RBFOX1: variants seen among roughly 807,000 people sequenced by gnomAD.
The protein encoded by RBFOX1 is RNA binding protein fox-1 homolog 1.
Under a neutral mutation model 57.7 loss-of-function variants are expected in RBFOX1, and 8 were observed. The ratio of observed to expected loss-of-function variants is 0.14; its 90% confidence interval spans 0.08 to 0.25. The LOEUF is 0.25. Ranked by LOEUF, RBFOX1 falls within the 10% of genes least tolerant of loss-of-function variation. The pLI, the probability that RBFOX1 is intolerant of heterozygous loss-of-function variation, is 1.00. For missense variants in RBFOX1, 611 were observed against 548.5 expected (o/e 1.11, Z -1.14); for synonymous variants, 326 against 222.4 (o/e 1.47, Z -4.15).
At chr16:6,232,236 C>T (rs1054639009) in intron 1 of RBFOX1, among the ~76,000 whole-genome samples, 1 of 152,144 alleles carries the variant, frequency 6.6e-6, no homozygotes, top group Non-Finnish European at 1.5e-5. Context: ...GGTGTGAGTA[C>T]CGGCTGGACG....
intron 1 of RBFOX1, among the ~76,000 whole-genome samples, chr16:6,208,333 A>G (rs1567680097): frequency 6.6e-6 from 1 of 152,212 alleles, no homozygotes; most frequent in African/African-American, 2.4e-5. Flanking sequence ...GCAAACACCT[A>G]TTGCATTGAG....
chr16:7,112,322 A>ATACAGC (rs2064953659), intron 4 of RBFOX1, among the ~76,000 whole-genome samples: 1 of 150,526 alleles, frequency 6.6e-6, no homozygotes, highest in Non-Finnish European at 1.5e-5. Context: ...CCAGCCTCAG[A>ATACAGC]CTCCAAAGTA....
At chr16:6,847,495 G>A (rs1489436583) in intron 3 of RBFOX1, among the ~76,000 whole-genome samples, 1 of 152,038 alleles carries the variant, frequency 6.6e-6, no homozygotes, top group Non-Finnish European at 1.5e-5. Flanking sequence ...TTACCACTGT[G>A]GCCCACGTTT....
chr16:5,739,075 A>T (rs973611886), intron 3 of RBFOX1, among the ~76,000 whole-genome samples: 1 of 152,238 alleles, frequency 6.6e-6, no homozygotes, highest in African/African-American at 2.4e-5. Context: ...TTGAAATCTA[A>T]CAGTTCTGTT....
intron 4 of RBFOX1, among the ~76,000 whole-genome samples, chr16:5,991,171 G>A (rs1012926692): frequency 5.3e-5 from 8 of 152,140 alleles, no homozygotes; most frequent in East Asian, 1.9e-4. Context: ...CATACAATGC[G>A]TTGTATTCAG....
chr16:6,953,380 T>G (rs1036732765), intron 3 of RBFOX1, among the ~76,000 whole-genome samples: 61 of 150,248 alleles, frequency 4.1e-4, no homozygotes, highest in African/African-American at 6.3e-4. Flanking sequence ...CATGATTTTT[T>G]TTGTTGTTGT....
At chr16:7,672,370 C>G (rs565724872) in intron 13 of RBFOX1, among the ~76,000 whole-genome samples, 46 of 152,176 alleles carry the variant, frequency 3.0e-4, no homozygotes, top group Non-Finnish European at 5.6e-4. Flanking sequence ...CTCTGCAATT[C>G]CCTTTTTTCT....
chr16:6,434,193 C>T (rs1021723232), intron 2 of RBFOX1, among the ~76,000 whole-genome samples: 5 of 152,056 alleles, frequency 3.3e-5, no homozygotes, highest in African/African-American at 1.2e-4. Context: ...CTGGGTTATC[C>T]GGAATAATCT....
At chr16:7,401,365 G>T (rs2098240334) in intron 4 of RBFOX1, among the ~76,000 whole-genome samples, 1 of 152,174 alleles carries the variant, frequency 6.6e-6, no homozygotes, top group Non-Finnish European at 1.5e-5. Flanking sequence ...TTTAGCAGTT[G>T]TTCCAGACTT....
chr16:5,921,957 G>A (rs996019837), intron 4 of RBFOX1, among the ~76,000 whole-genome samples: 1 of 151,680 alleles, frequency 6.6e-6, no homozygotes, highest in African/African-American at 2.4e-5. Context: ...TTTGCGACTA[G>A]CATGAGCAAC....
chr16:5,771,134 T>C (rs1170920493), intron 3 of RBFOX1, among the ~76,000 whole-genome samples: 2 of 152,172 alleles, frequency 1.3e-5, no homozygotes, highest in Non-Finnish European at 1.5e-5. Context: ...GCAAAGCGTG[T>C]TCACTAGAGC....
intron 4 of RBFOX1, among the ~76,000 whole-genome samples, chr16:7,056,733 G>C (rs1454201059): frequency 6.6e-6 from 1 of 152,126 alleles, no homozygotes; most frequent in Non-Finnish European, 1.5e-5. Context: ...AGTGGTAGAT[G>C]TTGGTTTGGG....
chr16:7,389,584 C>T (rs762143468), intron 4 of RBFOX1, among the ~76,000 whole-genome samples: 1 of 152,112 alleles, frequency 6.6e-6, no homozygotes, highest in Non-Finnish European at 1.5e-5. Flanking sequence ...TTAGCCAAAT[C>T]CTATGGTAAG....
chr16:7,180,708 T>G (rs1183525162), intron 4 of RBFOX1, among the ~76,000 whole-genome samples: 2 of 69,242 alleles, frequency 2.9e-5, no homozygotes, highest in Non-Finnish European at 5.9e-5. Context: ...TGTAAGTTAT[T>G]ATGATGAAAA....
At chr16:5,886,319 A>G (rs1247963802) in intron 4 of RBFOX1, among the ~76,000 whole-genome samples, 2 of 152,210 alleles carry the variant, frequency 1.3e-5, no homozygotes, top group Non-Finnish European at 2.9e-5. Context: ...GGTTATGAGG[A>G]TTAAATAAAT....
At chr16:7,000,592 C>CTTTTTT (rs1568307066) in intron 3 of RBFOX1, among the ~76,000 whole-genome samples, 1 of 84,054 alleles carries the variant, frequency 1.2e-5, no homozygotes, top group African/African-American at 4.2e-5. Context: ...CTTTCTTTTT[C>CTTTTTT]TTTCTTTTTT....
intron 2 of RBFOX1, among the ~76,000 whole-genome samples, chr16:6,416,880 A>G (rs1257924310): frequency 6.6e-6 from 1 of 152,212 alleles, no homozygotes; most frequent in Non-Finnish European, 1.5e-5. Context: ...GGAAGTAATG[A>G]TGGATTCCCA....
At chr16:5,844,602 G>A (rs1206084614) in intron 3 of RBFOX1, among the ~76,000 whole-genome samples, 4 of 152,148 alleles carry the variant, frequency 2.6e-5, no homozygotes, top group Non-Finnish European at 5.9e-5. Context: ...GAAAAAGGAA[G>A]GGGGAAAAAT....
chr16:6,859,130 C>CGTACATATATGT (rs1238966168), intron 3 of RBFOX1, among the ~76,000 whole-genome samples: 2 of 82,472 alleles, frequency 2.4e-5, no homozygotes, highest in East Asian at 6.7e-4. Context: ...TATATATATA[C>CGTACATATATGT]ATATATATAC....
Sources: gnomAD v4.1 joint callset for allele counts (sites outside exome capture counted in the v4.1 genomes callset) on GRCh38, gnomAD v4.1.1 for gene constraint, MANE v1.5 for transcripts, NCBI Gene and HGNC (gene_info 2026-07-23, HGNC 2026-07-21) for gene names.